DOCK2: variants seen among roughly 807,000 people sequenced by gnomAD.
The protein encoded by DOCK2 is dedicator of cytokinesis protein 2.
DOCK2 carries 87 observed loss-of-function variants against 248.9 expected under a neutral mutation model. The ratio of observed to expected loss-of-function variants is 0.35; its 90% CI spans 0.29 to 0.42. The LOEUF is 0.42. DOCK2 is among the 10% of genes least tolerant of loss of function. DOCK2 has a pLI of 1.00. For missense variants in DOCK2, 1,747 were observed against 2,300.2 expected (o/e 0.76, Z 4.92); for synonymous variants, 805 against 821.6 (o/e 0.98, Z 0.35).
chr5:169,857,045 G>C (rs988529318), intron 27 of DOCK2, among the ~76,000 whole-genome samples: 1 of 152,122 alleles, frequency 6.6e-6, no homozygotes, highest in East Asian at 1.9e-4. Flanking sequence ...ATGATCTTTT[G>C]GTGCGATTTT....
intron 26 of DOCK2, among the ~76,000 whole-genome samples, chr5:169,814,191 C>T (rs1767923523): frequency 6.6e-6 from 1 of 152,168 alleles, no homozygotes; most frequent in Non-Finnish European, 1.5e-5. Context: ...TTATCCTAAC[C>T]AAATGAGCAA....
At chr5:169,998,327 C>G (rs1162319361) in intron 30 of DOCK2, among the ~76,000 whole-genome samples, 1 of 152,224 alleles carries the variant, frequency 6.6e-6, no homozygotes, top group African/African-American at 2.4e-5. Flanking sequence ...TGGGCTGAGG[C>G]CTGTGAGATT....
intron 32 of DOCK2, among the ~76,000 whole-genome samples, chr5:170,012,588 G>A (rs1014010072): frequency 1.3e-5 from 2 of 152,226 alleles, no homozygotes; most frequent in African/African-American, 4.8e-5. Flanking sequence ...TGTGTGTGGA[G>A]AGGAGGTATG....
intron 43 of DOCK2, chr5:170,057,049 G>T: frequency 4.6e-6 from 2 of 430,194 alleles, no homozygotes; most frequent in South Asian, 5.5e-5. Context: ...GAAACCCTCA[G>T]GCTAAGAAGG....
intron 24 of DOCK2, chr5:169,761,177 G>A (rs1172029881): frequency 6.0e-6 from 1 of 165,318 alleles, no homozygotes; most frequent in Non-Finnish European, 1.3e-5. Flanking sequence ...TTCTAAACCT[G>A]AGCTTTCTAA....
chr5:169,875,308 G>C (rs1423962166), intron 27 of DOCK2: 1 of 456,678 alleles, frequency 2.2e-6, no homozygotes, highest in Non-Finnish European at 4.4e-6. Flanking sequence ...CCAGCAACAA[G>C]TTTCCATAGA....
intron 1 of DOCK2, among the ~76,000 whole-genome samples, chr5:169,650,460 G>A (rs377633543): frequency 6.6e-6 from 1 of 152,184 alleles, no homozygotes; most frequent in Admixed American, 6.5e-5. Context: ...ACAAAGCACA[G>A]AGACCCTTCT....
At chr5:169,655,251 C>T (rs1758039711) in intron 2 of DOCK2, among the ~76,000 whole-genome samples, 1 of 152,216 alleles carries the variant, frequency 6.6e-6, no homozygotes, top group Admixed American at 6.5e-5. Context: ...TACCACAGTT[C>T]CCTCCTACCT....
In DOCK2 at chr5:169,700,052, A is replaced by G. The variant is rs777344046; in HGVS notation, c.1171A>G (p.Ile391Val). The G allele has an allele frequency of 8.7e-6, 14 of 1,613,898 alleles. No homozygotes were observed. Among genetic ancestry groups the G allele is most frequent in the Non-Finnish European group, 1.1e-5 (13 of 1,179,918 alleles). ...VTMKMLVGDI[I>V]QIRKDYPHLV... ...CATGAAGATGCTGGTGGGTGACATC[A>G]TTCAGATTCGCAAGGACTATCCACA... The change falls in exon 13 of 52, where the codon ATT (isoleucine) becomes GTT (valine). Residue 391 changes from isoleucine (I) to valine (V), a missense_variant. Transcript: ENST00000520908.
intron 27 of DOCK2, among the ~76,000 whole-genome samples, chr5:169,903,774 C>T (rs1774101964): frequency 6.6e-6 from 1 of 151,906 alleles, no homozygotes; most frequent in Admixed American, 6.6e-5. Context: ...TTGGACTTAA[C>T]CCTAAGAGCA....
chr5:169,740,696 C>A (rs2113663592), intron 22 of DOCK2, among the ~76,000 whole-genome samples: 1 of 152,350 alleles, frequency 6.6e-6, no homozygotes, highest in East Asian at 1.9e-4. Flanking sequence ...ACTAGCAACA[C>A]TGTAGTCATC....
intron 27 of DOCK2, among the ~76,000 whole-genome samples, chr5:169,854,208 CAA>C (rs1419364644): frequency 7.2e-4 from 104 of 144,612 alleles, no homozygotes; most frequent in African/African-American, 2.6e-3. Flanking sequence ...TTTTTTGAGA[CAA>C]AGTCTCACTG....
At chr5:170,003,251 G>A (rs1212008254) in intron 30 of DOCK2, among the ~76,000 whole-genome samples, 1 of 152,218 alleles carries the variant, frequency 6.6e-6, no homozygotes, top group African/African-American at 2.4e-5. Context: ...GTACCATTAT[G>A]TTGGGTATTT....
chr5:169,819,132 C>A (rs1768256504), intron 26 of DOCK2, among the ~76,000 whole-genome samples: 1 of 152,110 alleles, frequency 6.6e-6, no homozygotes, highest in Non-Finnish European at 1.5e-5. Context: ...CCGCAGGAGA[C>A]CAATTATTTA....
intron 27 of DOCK2, among the ~76,000 whole-genome samples, chr5:169,845,425 C>T (rs1258592814): frequency 6.6e-6 from 1 of 152,088 alleles, no homozygotes; most frequent in Non-Finnish European, 1.5e-5. Flanking sequence ...AGGTCAGGCA[C>T]CCTGTTTTAC....
rs558111354 is a variant in DOCK2, at chr5:169,850,641, A to C, written c.2799+9789A>C. Reference sequence around the variant, plus strand: ...TAGCTTGGTTGCAGCTTAATATGGTAATATGGATGGTGTGCAAGTTTTCTG... The same window carrying C: ...TAGCTTGGTTGCAGCTTAATATGGTCATATGGATGGTGTGCAAGTTTTCTG... On this transcript the variant is annotated intron_variant, in intron 27 of 51. Coordinates refer to ENST00000520908, the MANE Select transcript of DOCK2 (RefSeq NM_004946.3). Among the ~76,000 whole-genome samples, 276 of 152,278 alleles carry C rather than the reference A, an allele frequency of 1.8e-3. 1 individual carries two copies. The highest frequency in any genetic ancestry group is 0.014 in the Middle Eastern group (4 of 294).
At chr5:169,875,268 T>A in intron 27 of DOCK2, 1 of 456,652 alleles carries the variant, frequency 2.2e-6, no homozygotes, top group South Asian at 1.5e-5. Flanking sequence ...CACCCCACAC[T>A]CTCTGATTCA....
chr5:169,704,301 G>A (rs1364724299), intron 14 of DOCK2, among the ~76,000 whole-genome samples: 1 of 152,164 alleles, frequency 6.6e-6, no homozygotes, highest in African/African-American at 2.4e-5. Context: ...GATATTGGTG[G>A]GCTCCTGTGG....
Position 170,073,629 on chromosome 5 carries a change from C to T in DOCK2, c.4729-2318C>T, listed in dbSNP as rs1473493141. Among the ~76,000 whole-genome samples the T allele has an allele frequency of 2.6e-5, 4 of 152,186 alleles. No homozygotes were observed. The East Asian group carries it at 5.8e-4, about 22-fold the overall frequency. On this transcript the variant is annotated intron_variant, in intron 46 of 51. Coordinates refer to ENST00000520908, the MANE Select transcript of DOCK2 (RefSeq NM_004946.3). Reference sequence around the variant, plus strand: ...TCTCAGCAAAATTTTGTGGTTTTCACATATTTTATTTTCTTTCATATATCT... The same window carrying T: ...TCTCAGCAAAATTTTGTGGTTTTCATATATTTTATTTTCTTTCATATATCT...
Sources: allele counts gnomAD v4.1 joint callset (sites outside exome capture counted in the v4.1 genomes callset), GRCh38; gene constraint gnomAD v4.1.1; transcripts MANE v1.5; gene names NCBI Gene and HGNC (gene_info 2026-07-23, HGNC 2026-07-21).